Variants in OPCML observed in about 807,000 individuals in gnomAD.
The protein encoded by OPCML is opioid-binding protein/cell adhesion molecule.
Under a neutral mutation model 37.8 loss-of-function variants are expected in OPCML, and 13 were observed. That is an observed-to-expected ratio of 0.34 (90% CI 0.22 to 0.55). The LOEUF (loss-of-function observed/expected upper bound fraction) is 0.55. Among genes scored for constraint, OPCML ranks in the 20% least tolerant of loss-of-function variants. The probability of loss-of-function intolerance (pLI) is 0.91; values close to 1 mark genes in which losing one functional copy is unlikely to be tolerated. For synonymous variants in OPCML, 176 were observed against 168.8 expected, an observed-to-expected ratio of 1.04 and a Z score of -0.33; for missense variants, 341 against 435.6, an observed-to-expected ratio of 0.78 and a Z score of 1.93.
At chr11:133,301,873 GTCAGAAA>G (rs1942788674) in intron 1 of OPCML, 1 of 152,074 alleles carries the variant, frequency 6.6e-6, no homozygotes, top group African/African-American at 2.4e-5. Context: ...TGGATCCATA[GTCAGAAA>G]CTATATGGAC....
intron 1 of OPCML, among the ~76,000 whole-genome samples, chr11:133,496,532 C>A (rs902999401): frequency 1.3e-5 from 2 of 152,192 alleles, no homozygotes; most frequent in Non-Finnish European, 2.9e-5. Context: ...CATCCATGAG[C>A]GTGGGATGTG....
chr11:133,410,634 TAAAAA>T (rs71038527), intron 1 of OPCML, among the ~76,000 whole-genome samples: 15 of 46,998 alleles, frequency 3.2e-4, no homozygotes, highest in Non-Finnish European at 4.8e-4. Context: ...AGAAAAAAAG[TAAAAA>T]AAAAAAAAAA....
At chr11:132,753,852 T>A (rs1945933305) in intron 2 of OPCML, among the ~76,000 whole-genome samples, 1 of 152,208 alleles carries the variant, frequency 6.6e-6, no homozygotes, top group African/African-American at 2.4e-5. Context: ...ATCCTTTAGC[T>A]CCCAGGTGTC....
intron 1 of OPCML, among the ~76,000 whole-genome samples, chr11:133,526,584 A>G (rs888566385): frequency 1.3e-5 from 2 of 152,202 alleles, no homozygotes; most frequent in Non-Finnish European, 2.9e-5. Flanking sequence ...CTCCCTTCTC[A>G]GGGCTACCTT....
intron 1 of OPCML, among the ~76,000 whole-genome samples, chr11:133,289,084 G>A (rs1185543280): frequency 6.6e-6 from 1 of 152,170 alleles, no homozygotes; most frequent in African/African-American, 2.4e-5. Flanking sequence ...GAAGAATAAT[G>A]CAGACCAGAA....
chr11:132,464,078 T>C (rs76737063), intron 4 of OPCML, among the ~76,000 whole-genome samples: 117 of 152,328 alleles, frequency 7.7e-4, no homozygotes, highest in African/African-American at 2.6e-3. Context: ...ACTTTTTCTC[T>C]TGTTTCTGTG....
At chr11:132,853,943 C>G (rs1222506027) in intron 2 of OPCML, among the ~76,000 whole-genome samples, 3 of 152,116 alleles carry the variant, frequency 2.0e-5, no homozygotes, top group South Asian at 2.1e-4. Context: ...GGTGTCCTAC[C>G]ATTTAACTCA....
At chr11:133,445,220 A>G (rs1194573608) in intron 1 of OPCML, among the ~76,000 whole-genome samples, 2 of 152,110 alleles carry the variant, frequency 1.3e-5, no homozygotes, top group African/African-American at 4.8e-5. Flanking sequence ...GGAGACCACC[A>G]TAACCCATCT....
At chr11:132,803,208 T>TA (rs1476309411) in intron 2 of OPCML, among the ~76,000 whole-genome samples, 2 of 152,148 alleles carry the variant, frequency 1.3e-5, no homozygotes, top group African/African-American at 2.4e-5. Context: ...TCCCCACCAG[T>TA]AAAAGCTATG....
At chr11:133,064,528 C>T (rs1346211681) in intron 1 of OPCML, among the ~76,000 whole-genome samples, 2 of 152,224 alleles carry the variant, frequency 1.3e-5, no homozygotes, top group Non-Finnish European at 2.9e-5. Context: ...CCTCAGGGGC[C>T]GCTGCAGGGC....
intron 1 of OPCML, among the ~76,000 whole-genome samples, chr11:133,117,242 GT>G: frequency 1.3e-5 from 2 of 152,120 alleles, no homozygotes; most frequent in Non-Finnish European, 2.9e-5. Flanking sequence ...GATGTTCTAG[GT>G]TCATCCTGCA....
intron 1 of OPCML, among the ~76,000 whole-genome samples, chr11:133,314,097 T>C (rs1032403298): frequency 6.0e-4 from 81 of 135,248 alleles, no homozygotes; most frequent in African/African-American, 1.9e-3. Context: ...TAGCCGGGCG[T>C]AGTGGCGGGC....
chr11:132,600,839 CTTTTTTTTTTT>C (rs145586468), intron 3 of OPCML, among the ~76,000 whole-genome samples: 2 of 94,570 alleles, frequency 2.1e-5, no homozygotes, highest in East Asian at 3.8e-4. Context: ...AAATAGTTAA[CTTTTTTTTTTT>C]TTTTTTTTTT....
chr11:133,366,974 G>A lies in OPCML; in HGVS notation c.61+165290C>T, dbSNP rs75605601. Among the ~76,000 whole-genome samples the A allele has an allele frequency of 9.4e-3, 1,432 of 151,902 alleles. 23 individuals carry two copies. Among genetic ancestry groups the A allele is most frequent in the African/African-American group, 0.032 (1,320 of 41,322 alleles). On this transcript the variant is annotated intron_variant, in intron 1 of 7. Transcript: ENST00000524381. Reference sequence around the variant, plus strand: ...CATGTCTTCTCCCCATCCAATCATCGAATGCACTTTCTTTTTTTTTGGAGA... The same window carrying A: ...CATGTCTTCTCCCCATCCAATCATCAAATGCACTTTCTTTTTTTTTGGAGA...
intron 1 of OPCML, chr11:133,026,615 G>C (rs1435889700): frequency 1.0e-6 from 1 of 980,474 alleles, no homozygotes; most frequent in Non-Finnish European, 1.2e-6. Flanking sequence ...CATTTTCATA[G>C]TGCTTTCTCT....
intron 3 of OPCML, among the ~76,000 whole-genome samples, chr11:132,579,289 T>C (rs537311824): frequency 8.0e-4 from 122 of 152,150 alleles, no homozygotes; most frequent in Non-Finnish European, 1.4e-3. Flanking sequence ...AGTGTTTTCA[T>C]CACCAATTGC....
At chr11:132,958,496 C>A (rs1438849278) in intron 1 of OPCML, among the ~76,000 whole-genome samples, 1 of 152,206 alleles carries the variant, frequency 6.6e-6, no homozygotes, top group African/African-American at 2.4e-5. Context: ...AACAGCAGAT[C>A]TTCAGTGTAG....
chr11:133,064,197 C>T (rs924688720), intron 1 of OPCML, among the ~76,000 whole-genome samples: 1 of 152,124 alleles, frequency 6.6e-6, no homozygotes, highest in Admixed American at 6.5e-5. Flanking sequence ...AGGAGAGGAA[C>T]GCCGGCCCAC....
intron 1 of OPCML, among the ~76,000 whole-genome samples, chr11:133,341,307 T>TA (rs1482397635): frequency 1.3e-5 from 2 of 152,212 alleles, no homozygotes; most frequent in East Asian, 3.9e-4. Context: ...AAATAGGACT[T>TA]AATTTCTGTG....
Sources: allele counts gnomAD v4.1 joint callset (sites outside exome capture counted in the v4.1 genomes callset), GRCh38; gene constraint gnomAD v4.1.1; transcripts MANE v1.5; gene names NCBI Gene and HGNC (gene_info 2026-07-23, HGNC 2026-07-21).